Variants in DYM observed in about 807,000 individuals in gnomAD.
DYM encodes the protein dyggve-Melchior-Clausen syndrome protein.
Under a neutral mutation model 93.1 loss-of-function variants are expected in DYM, and 78 were observed. The ratio of observed to expected loss-of-function variants is 0.84; its 90% CI spans 0.70 to 1.01. The LOEUF (loss-of-function observed/expected upper bound fraction) is 1.01, where lower values mean the gene tolerates loss of function less well. DYM is among the 50% of genes least tolerant of loss of function. The probability of loss-of-function intolerance (pLI) is 0.00; values close to 1 mark genes in which losing one functional copy is unlikely to be tolerated. For missense variants in DYM, 789 were observed against 845.0 expected, an observed-to-expected ratio of 0.93 and a Z score of 0.82; for synonymous variants, 321 against 319.7, an observed-to-expected ratio of 1.00 and a Z score of -0.04.
intron 8 of DYM, among the ~76,000 whole-genome samples, chr18:49,289,049 G>T (rs1282442699): frequency 1.3e-5 from 2 of 152,114 alleles, no homozygotes; most frequent in Admixed American, 6.6e-5. Context: ...AGACAAATAG[G>T]TCAACAGAAG....
chr18:49,191,810 CA>C, intron 14 of DYM, among the ~76,000 whole-genome samples: 1 of 152,112 alleles, frequency 6.6e-6, no homozygotes, highest in South Asian at 2.1e-4. Context: ...ATTTCAAGGG[CA>C]AAGCTAATGA....
chr18:49,389,372 T>C (rs1428735835), intron 3 of DYM, among the ~76,000 whole-genome samples: 1 of 152,130 alleles, frequency 6.6e-6, no homozygotes, highest in Non-Finnish European at 1.5e-5. Flanking sequence ...ATTGAATAAG[T>C]AGTAGAAGAA....
chr18:49,353,462 G>T (rs2065287526), intron 6 of DYM, among the ~76,000 whole-genome samples: 1 of 152,050 alleles, frequency 6.6e-6, no homozygotes, highest in Non-Finnish European at 1.5e-5. Context: ...ACTGAATGAA[G>T]GGTGTGGGAA....
chr18:49,228,306 A>G (rs959615743), intron 13 of DYM, among the ~76,000 whole-genome samples: 3 of 152,164 alleles, frequency 2.0e-5, no homozygotes, highest in African/African-American at 7.2e-5. Context: ...GCTGGGATTC[A>G]GAGTCATAAC....
intron 2 of DYM, among the ~76,000 whole-genome samples, chr18:49,408,893 G>C (rs1568393686): frequency 6.6e-6 from 1 of 152,136 alleles, no homozygotes; most frequent in Non-Finnish European, 1.5e-5. Context: ...ACTCATGTGA[G>C]AATCCTCTGG....
chr18:49,180,228 AAATT>A (rs1050441035), intron 14 of DYM, among the ~76,000 whole-genome samples: 6 of 152,122 alleles, frequency 3.9e-5, no homozygotes, highest in Admixed American at 2.6e-4. Flanking sequence ...TAAGAGATAT[AAATT>A]ATTATCTAAA....
chr18:49,363,200 A>C lies in DYM; in HGVS notation c.455T>G (p.Leu152Arg). 1 of 1,614,042 alleles carries C rather than the reference A, an allele frequency of 6.2e-7. No homozygotes were observed. ...AGTGATCAACTGCATCAAACAGCACAGCAATTCTTCCAAAAGATCTTCTGA... is the reference window on the plus strand; with the variant it reads ...AGTGATCAACTGCATCAAACAGCACCGCAATTCTTCCAAAAGATCTTCTGA... Reference protein sequence around the residue: ...SDSEDLLEELLCCLMQLITDI... With the variant: ...SDSEDLLEELRCCLMQLITDI... Residue 152 changes from leucine to arginine, a missense_variant, in exon 6 of 18, where the codon CTG becomes CGG. Transcript: ENST00000675505.
At chr18:49,113,313 C>T (rs187017486) in intron 16 of DYM, among the ~76,000 whole-genome samples, 1 of 152,248 alleles carries the variant, frequency 6.6e-6, no homozygotes, top group African/African-American at 2.4e-5. Context: ...CTTAGGTAAC[C>T]AGACAATTTA....
intron 3 of DYM, among the ~76,000 whole-genome samples, chr18:49,384,187 G>A (rs2147777915): frequency 6.6e-6 from 1 of 151,980 alleles, no homozygotes; most frequent in South Asian, 2.1e-4. Flanking sequence ...GCCAGGTGTG[G>A]TTGCGCATGC....
At chr18:49,418,169 C>G (rs1225709884) in intron 2 of DYM, 3 of 151,728 alleles carry the variant, frequency 2.0e-5, no homozygotes, top group Non-Finnish European at 4.4e-5. Flanking sequence ...GTTTGATACT[C>G]AGAGATAAGT....
At chr18:49,393,312 C>A (rs1424940052) in intron 2 of DYM, among the ~76,000 whole-genome samples, 1 of 151,838 alleles carries the variant, frequency 6.6e-6, no homozygotes, top group Non-Finnish European at 1.5e-5. Context: ...GGGTAGATAC[C>A]CAAAAGAAGT....
intron 8 of DYM, among the ~76,000 whole-genome samples, chr18:49,295,998 T>C (rs1325613123): frequency 6.6e-6 from 1 of 152,166 alleles, no homozygotes; most frequent in Non-Finnish European, 1.5e-5. Context: ...TCTCGCTAAC[T>C]GCAACTTCCA....
intron 8 of DYM, 120 bp downstream of exon 8, chr18:49,331,744 A>C: frequency 9.1e-7 from 1 of 1,097,682 alleles, no homozygotes. Context: ...TTCACATTGA[A>C]CCAGCTGCAC....
chr18:49,217,380 T>C (rs2093119659), intron 13 of DYM, among the ~76,000 whole-genome samples: 1 of 151,966 alleles, frequency 6.6e-6, no homozygotes, highest in African/African-American at 2.4e-5. Context: ...CAGGCCAACG[T>C]TCAGATTCAG....
chr18:49,445,569 G>C lies in DYM; in HGVS notation c.-54+14829C>G, dbSNP rs150196539. On this transcript the variant is annotated intron_variant, in intron 1 of 17. Coordinates refer to ENST00000675505, the MANE Select transcript of DYM (RefSeq NM_001353214.3). ...GAGGAGAAAAAATAGAAAATTTAAA[G>C]AACAATTTAGAAGATTTTAATATAT... 2.1e-3 allele frequency among the ~76,000 whole-genome samples: 322 copies of C among 152,146 alleles called. 1 individual carries two copies. Among genetic ancestry groups the C allele is most frequent in the African/African-American group, 7.4e-3 (306 of 41,520 alleles).
chr18:49,361,345 C>T (rs1001322711), intron 6 of DYM, among the ~76,000 whole-genome samples: 6 of 152,190 alleles, frequency 3.9e-5, no homozygotes, highest in Non-Finnish European at 5.9e-5. Context: ...CATTCATGTA[C>T]GACAGCAGCC....
chr18:49,289,746 T>TATATATATATATATATATATATATACAC (rs2059940426), intron 8 of DYM, among the ~76,000 whole-genome samples: 1 of 42,864 alleles, frequency 2.3e-5, no homozygotes, highest in African/African-American at 1.2e-4. Context: ...TATATATATA[T>TATATATATATATATATATATATATACAC]ATATATATAT....
At chr18:49,297,878 C>T (rs1484694444) in intron 8 of DYM, among the ~76,000 whole-genome samples, 9 of 151,900 alleles carry the variant, frequency 5.9e-5, no homozygotes, top group African/African-American at 2.2e-4. Context: ...TCAAGTATCA[C>T]TTTTTCTATT....
intron 1 of DYM, among the ~76,000 whole-genome samples, chr18:49,451,993 AC>A (rs2082554933): frequency 6.6e-6 from 1 of 152,176 alleles, no homozygotes; most frequent in Admixed American, 6.5e-5. Flanking sequence ...CTACTACACC[AC>A]ACTTGTGGGA....
Sources: gnomAD v4.1 joint callset for allele counts (sites outside exome capture counted in the v4.1 genomes callset) on GRCh38, gnomAD v4.1.1 for gene constraint, MANE v1.5 for transcripts, NCBI Gene and HGNC (gene_info 2026-07-23, HGNC 2026-07-21) for gene names.